DAB1: variants seen among roughly 807,000 people sequenced by gnomAD.
The protein encoded by DAB1 is DAB adaptor protein 1.
In DAB1, 15 loss-of-function variants were observed where a neutral mutation model predicts 64.6. That is an observed-to-expected ratio of 0.23 (90% confidence interval 0.16 to 0.36). The LOEUF is 0.36. Among genes scored for constraint, DAB1 ranks in the 10% least tolerant of loss-of-function variants. DAB1 has a pLI of 1.00. For synonymous variants in DAB1, 235 were observed against 251.9 expected, an observed-to-expected ratio of 0.93 and a Z score of 0.64; for missense variants, 596 against 706.7, an observed-to-expected ratio of 0.84 and a Z score of 1.78.
chr1:57,208,083 G>C (rs900939104), intron 2 of DAB1, among the ~76,000 whole-genome samples: 16 of 152,156 alleles, frequency 1.1e-4, no homozygotes, highest in Non-Finnish European at 2.2e-4. Context: ...CACTGTCATG[G>C]GAGTGAGGAA....
At chr1:57,373,128 C>T (rs181815135) in intron 1 of DAB1, among the ~76,000 whole-genome samples, 2 of 152,244 alleles carry the variant, frequency 1.3e-5, no homozygotes, top group Admixed American at 1.3e-4. Context: ...GAGGCTGCAG[C>T]GAGCTGTGCT....
intron 2 of DAB1, among the ~76,000 whole-genome samples, chr1:58,507,827 A>G (rs1646013060): frequency 6.6e-6 from 1 of 152,180 alleles, no homozygotes; most frequent in South Asian, 2.1e-4. Context: ...ACAGGCTGAG[A>G]TTAACAAGTA....
At chr1:58,282,394 T>C (rs547279569) in intron 4 of DAB1, among the ~76,000 whole-genome samples, 2 of 152,334 alleles carry the variant, frequency 1.3e-5, no homozygotes, top group East Asian at 3.9e-4. Context: ...CTCTATCATA[T>C]AATGTGTTAC....
intron 7 of DAB1, among the ~76,000 whole-genome samples, chr1:57,452,431 T>G (rs1187259679): frequency 6.6e-6 from 1 of 152,054 alleles, no homozygotes; most frequent in African/African-American, 2.4e-5. Context: ...CAGGACATTT[T>G]TTTCCAGGAC....
chr1:57,026,108 C>T lies in DAB1; in HGVS notation c.724-65G>A, dbSNP rs1399104348. The T allele has an allele frequency of 2.3e-5, 27 of 1,193,762 alleles. 1 individual carries two copies. The Admixed American group carries it at 3.9e-4, about 17-fold the overall frequency. 73.9% of individuals were successfully genotyped at this position (1,193,762 alleles called of 1,614,324 possible). ...GCTGGTGCTGCTGGGCCCTGCTTTA[C>T]ACACAGTATGGTATGGGGATACACA... On this transcript the variant is annotated intron_variant, in intron 9 of 14. Transcript: ENST00000371236.
intron 2 of DAB1, among the ~76,000 whole-genome samples, chr1:57,162,152 G>T (rs1425330127): frequency 5.9e-5 from 9 of 152,222 alleles, no homozygotes; most frequent in Non-Finnish European, 1.3e-4. Context: ...TATCAGAGTT[G>T]TTGCTTCATC....
intron 5 of DAB1, among the ~76,000 whole-genome samples, chr1:57,940,351 C>T (rs1401940681): frequency 1.3e-5 from 2 of 152,166 alleles, no homozygotes; most frequent in African/African-American, 4.8e-5. Context: ...TTGATGCATT[C>T]GATTTGTGAG....
chr1:57,243,134 T>G (rs949904505), intron 2 of DAB1, among the ~76,000 whole-genome samples: 3 of 152,222 alleles, frequency 2.0e-5, no homozygotes, highest in African/African-American at 7.2e-5. Flanking sequence ...TTAACAGCAC[T>G]AATTATCTAC....
chr1:57,502,648 T>G (rs1644303780), intron 7 of DAB1, among the ~76,000 whole-genome samples: 1 of 152,178 alleles, frequency 6.6e-6, no homozygotes, highest in African/African-American at 2.4e-5. Flanking sequence ...ATTTGTTAAA[T>G]GAATAAACAA....
At chr1:57,492,097 G>A (rs1455109242) in intron 7 of DAB1, among the ~76,000 whole-genome samples, 2 of 152,208 alleles carry the variant, frequency 1.3e-5, no homozygotes, top group African/African-American at 2.4e-5. Context: ...GTCAAACTAA[G>A]AGATCTGTGT....
intron 2 of DAB1, among the ~76,000 whole-genome samples, chr1:57,251,056 TG>T (rs1460071831): frequency 6.6e-6 from 1 of 152,236 alleles, no homozygotes; most frequent in African/African-American, 2.4e-5. Flanking sequence ...GAACAAAATG[TG>T]GTATTATTGG....
intron 1 of DAB1, among the ~76,000 whole-genome samples, chr1:57,412,816 G>A (rs1296740480): frequency 6.6e-6 from 1 of 152,218 alleles, no homozygotes; most frequent in Non-Finnish European, 1.5e-5. Context: ...TGCTGATATA[G>A]AAGCTACAAC....
rs1213660 is a variant in DAB1, at chr1:58,361,928, A to C, written n.258-18525T>G. Among the ~76,000 whole-genome samples, 3 of 143,048 alleles carry C rather than the reference A, an allele frequency of 2.1e-5. No individual in the cohort carries two copies. The Admixed American group carries it at 2.2e-4, about 10-fold the overall frequency. The allele number at this position is 143,048 out of a possible 152,430, so 93.8% of individuals were successfully genotyped here. ...TCTGTTGTCCAGGCTGGAGTGCAGCAGTGTGATTTCACTGCAATCTCCACC... is the reference window on the plus strand; with the variant it reads ...TCTGTTGTCCAGGCTGGAGTGCAGCCGTGTGATTTCACTGCAATCTCCACC... On this transcript the variant is annotated intron_variant and non_coding_transcript_variant, in intron 3 of 20. Coordinates refer to the DAB1 transcript ENST00000485760.
At chr1:57,724,235 G>A (rs915563416) in intron 6 of DAB1, among the ~76,000 whole-genome samples, 1 of 142,906 alleles carries the variant, frequency 7.0e-6, no homozygotes, top group African/African-American at 2.5e-5. Flanking sequence ...GGTGCAGGAG[G>A]AAGAAAGAAA....
intron 5 of DAB1, among the ~76,000 whole-genome samples, chr1:57,986,155 G>A (rs1345252935): frequency 6.6e-6 from 1 of 152,118 alleles, no homozygotes; most frequent in Non-Finnish European, 1.5e-5. Flanking sequence ...GCTAAAAGGG[G>A]GAGGAGGAGA....
At chr1:57,478,196 G>A (rs1039140076) in intron 7 of DAB1, among the ~76,000 whole-genome samples, 9 of 152,068 alleles carry the variant, frequency 5.9e-5, no homozygotes, top group Non-Finnish European at 1.2e-4. Context: ...TAGTAAATGC[G>A]CTAACTGTAA....
intron 6 of DAB1, among the ~76,000 whole-genome samples, chr1:57,675,632 T>G (rs976419475): frequency 6.6e-6 from 1 of 152,248 alleles, no homozygotes; most frequent in Non-Finnish European, 1.5e-5. Context: ...GCAGTGGAGT[T>G]ATTATGCTTT....
chr1:57,349,669 A>G (rs1678417114), intron 1 of DAB1, among the ~76,000 whole-genome samples: 1 of 152,176 alleles, frequency 6.6e-6, no homozygotes, highest in Non-Finnish European at 1.5e-5. Context: ...AGGCACCTTC[A>G]AGGAAAAAGC....
intron 2 of DAB1, among the ~76,000 whole-genome samples, chr1:57,289,841 A>C (rs1672624554): frequency 6.6e-6 from 1 of 152,202 alleles, no homozygotes; most frequent in African/African-American, 2.4e-5. Flanking sequence ...CAGAAACTAC[A>C]GGGAGAAAAC....
Sources: allele counts gnomAD v4.1 joint callset (sites outside exome capture counted in the v4.1 genomes callset), GRCh38; gene constraint gnomAD v4.1.1; transcripts MANE v1.5; gene names NCBI Gene and HGNC (gene_info 2026-07-23, HGNC 2026-07-21).